The following CABIN1 variants were observed in gnomAD, a reference collection of about 807,000 sequenced individuals.
The protein encoded by CABIN1 is calcineurin-binding protein cabin-1.
Under a neutral mutation model 227.7 loss-of-function variants are expected in CABIN1, and 133 were observed. The observed-to-expected ratio is 0.58, with a 90% CI of 0.51 to 0.67. CABIN1 has a LOEUF of 0.67. Among genes scored for constraint, CABIN1 ranks in the 30% least tolerant of loss-of-function variants. CABIN1 has a pLI of 0.00. For synonymous variants in CABIN1, 1,086 were observed against 1,155.1 expected, an observed-to-expected ratio of 0.94 and a Z score of 1.21; for missense variants, 2,408 against 2,852.5, an observed-to-expected ratio of 0.84 and a Z score of 3.55.
intron 34 of CABIN1, 89 bp from the exon 35 acceptor site, chr22:24,176,022 C>A: frequency 6.9e-7 from 1 of 1,456,402 alleles, no homozygotes; most frequent in Non-Finnish European, 9.4e-7. Context: ...TCCCAGGGCA[C>A]AACCTGGGCC....
intron 30 of CABIN1, among the ~76,000 whole-genome samples, chr22:24,164,988 C>T (rs933546611): frequency 5.3e-5 from 8 of 152,286 alleles, no homozygotes; most frequent in East Asian, 3.9e-4. Context: ...GGGAGCTCTC[C>T]GCCAGAAAGG....
chr22:24,070,009 A>G (rs1297402088), intron 16 of CABIN1, among the ~76,000 whole-genome samples: 3 of 151,578 alleles, frequency 2.0e-5, no homozygotes, highest in Admixed American at 6.6e-5. Context: ...GTGTTTCCCC[A>G]TGCACCAGCA....
chr22:24,156,389 G>A (rs944137374), intron 29 of CABIN1: 3 of 284,290 alleles, frequency 1.1e-5, no homozygotes, highest in African/African-American at 6.7e-5. Context: ...CGGCTTGGGC[G>A]GCGGCGCGCG....
chr22:24,130,874 G>A (rs548637737), intron 28 of CABIN1, among the ~76,000 whole-genome samples: 1 of 152,358 alleles, frequency 6.6e-6, no homozygotes, highest in East Asian at 1.9e-4. Flanking sequence ...TCTGCAGGAA[G>A]CTAATTTATA....
At chr22:24,176,028 G>A in intron 34 of CABIN1, 83 bp from the exon 35 acceptor site, 1 of 1,475,700 alleles carries the variant, frequency 6.8e-7, no homozygotes, top group Non-Finnish European at 9.3e-7. Flanking sequence ...GGCACAACCT[G>A]GGCCCATAGG....
intron 29 of CABIN1, among the ~76,000 whole-genome samples, chr22:24,140,529 C>T (rs1014268447): frequency 6.6e-6 from 1 of 152,222 alleles, no homozygotes; most frequent in African/African-American, 2.4e-5. Context: ...CTCTGGCAGG[C>T]AAGCCTGCAT....
intron 22 of CABIN1, among the ~76,000 whole-genome samples, chr22:24,086,203 G>A (rs1303941823): frequency 6.6e-6 from 1 of 152,244 alleles, no homozygotes; most frequent in African/African-American, 2.4e-5. Flanking sequence ...ACCTATCTAT[G>A]CTCAGTCTGG....
intron 19 of CABIN1, among the ~76,000 whole-genome samples, chr22:24,080,981 A>G (rs1036604591): frequency 3.3e-5 from 5 of 152,096 alleles, no homozygotes; most frequent in African/African-American, 7.2e-5. Context: ...AAAGGGACAA[A>G]TAGTAAATCT....
Position 24,178,293 on chromosome 22 carries a change from A to T in CABIN1, c.*97A>T. The stretch of plus-strand genomic sequence containing the variant: ...TGGGCAGGACCAGAGGCCCACATGG[A>T]TGCCACTCCCCACACAGCCCCCAGG... On this transcript the variant is annotated 3_prime_UTR_variant, in exon 37 of 37. Coordinates refer to ENST00000263119, the MANE Select transcript of CABIN1 (RefSeq NM_012295.4). 6.7e-7 allele frequency: 1 copy of T among 1,483,442 alleles called. No individual in the cohort carries two copies. The highest frequency in any genetic ancestry group is 9.2e-7 in the Non-Finnish European group (1 of 1,084,404). 91.9% of individuals were successfully genotyped at this position (1,483,442 alleles called of 1,614,324 possible).
At chr22:24,175,944 T>C (rs561374387) in intron 34 of CABIN1, 167 bp from the exon 35 acceptor site, 10 of 794,800 alleles carry the variant, frequency 1.3e-5, no homozygotes, top group Admixed American at 8.2e-5. Flanking sequence ...GTGAGTGGTT[T>C]CTTGGCAGCA....
chr22:24,047,034 G>A (rs1364408767), intron 6 of CABIN1, among the ~76,000 whole-genome samples: 1 of 152,170 alleles, frequency 6.6e-6, no homozygotes, highest in Non-Finnish European at 1.5e-5. Flanking sequence ...AGGGCGATCT[G>A]CTTTACTCAG....
intron 23 of CABIN1, among the ~76,000 whole-genome samples, chr22:24,088,868 C>A (rs1274794408): frequency 2.6e-5 from 4 of 152,216 alleles, no homozygotes; most frequent in African/African-American, 9.6e-5. Flanking sequence ...CTGTTGAGTT[C>A]TATCCATGAT....
At chr22:24,079,875 T>A (rs2040695208) in intron 19 of CABIN1, among the ~76,000 whole-genome samples, 1 of 152,214 alleles carries the variant, frequency 6.6e-6, no homozygotes, top group Admixed American at 6.5e-5. Flanking sequence ...GTTCTATTTC[T>A]ATTTCTGTGC....
intron 29 of CABIN1, among the ~76,000 whole-genome samples, chr22:24,159,397 G>T (rs956635325): frequency 1.3e-5 from 2 of 152,250 alleles, no homozygotes; most frequent in African/African-American, 4.8e-5. Context: ...GTTTGGATTG[G>T]ACAACCTGGG....
rs189804002 is a variant in CABIN1 at position 24,178,049 on chromosome 22, G to T, written c.6520-4G>T. 6.2e-7 allele frequency: 1 copy of T among 1,613,472 alleles called. No homozygotes were observed. ...ACCAGTGCCCCGCCCGGCCCTCTCC[G>T]CAGTCAGCCATCCTTTCTGCCCAGT... is the stretch of plus-strand genomic sequence containing the variant. On this transcript the variant is annotated splice_polypyrimidine_tract_variant and splice_region_variant and intron_variant, in intron 36 of 36. Coordinates refer to ENST00000263119, the MANE Select transcript of CABIN1 (RefSeq NM_012295.4).
Position 24,014,968 on chromosome 22 carries a change from A to G in CABIN1, c.-75+3601A>G, listed in dbSNP as rs144917530. ...ATAATTGTGTTTGCTTTTTTCACTT[A>G]ATAGTATGTTTTAGGCCAGGCGTGG... On this transcript the variant is annotated intron_variant, in intron 1 of 36. Transcript: ENST00000263119. 1.7e-4 allele frequency among the ~76,000 whole-genome samples: 26 copies of G among 152,224 alleles called. No homozygotes were observed. The East Asian group carries it at 4.4e-3, about 26-fold the overall frequency.
intron 1 of CABIN1, among the ~76,000 whole-genome samples, chr22:24,014,886 A>T (rs1035906776): frequency 1.3e-5 from 2 of 152,106 alleles, no homozygotes; most frequent in African/African-American, 4.8e-5. Context: ...GTGAACAGTT[A>T]GTTGTGTATT....
intron 26 of CABIN1, among the ~76,000 whole-genome samples, chr22:24,112,006 C>G (rs1042309857): frequency 6.6e-6 from 1 of 152,206 alleles, no homozygotes; most frequent in Non-Finnish European, 1.5e-5. Flanking sequence ...AGCTTTTCCA[C>G]TACAGCCTTT....
intron 19 of CABIN1, among the ~76,000 whole-genome samples, chr22:24,076,685 A>G (rs928334219): frequency 1.3e-5 from 2 of 152,178 alleles, no homozygotes; most frequent in African/African-American, 2.4e-5. Flanking sequence ...ATTACTCACA[A>G]TGCCAAGTAG....
Sources: allele counts gnomAD v4.1 joint callset (sites outside exome capture counted in the v4.1 genomes callset), GRCh38; gene constraint gnomAD v4.1.1; transcripts MANE v1.5; gene names NCBI Gene and HGNC (gene_info 2026-07-23, HGNC 2026-07-21).